Variants in ABL1 observed in about 807,000 individuals in gnomAD.
ABL1 encodes ABL proto-oncogene 1, non-receptor tyrosine kinase, also known as tyrosine-protein kinase ABL1.
In ABL1, 11 loss-of-function variants were observed where a neutral mutation model predicts 94.7. The ratio of observed to expected loss-of-function variants is 0.12; its 90% CI spans 0.07 to 0.19. ABL1 has a LOEUF of 0.19. Among genes scored for constraint, ABL1 ranks in the 10% least tolerant of loss-of-function variants. The pLI is 1.00. For missense variants in ABL1, 1,082 were observed against 1,489.4 expected, an observed-to-expected ratio of 0.73 and a Z score of 4.50; for synonymous variants, 656 against 622.4, an observed-to-expected ratio of 1.05 and a Z score of -0.80.
At chr9:130,760,826 C>G (rs1280582556) in intron 1 of ABL1, among the ~76,000 whole-genome samples, 1 of 150,836 alleles carries the variant, frequency 6.6e-6, no homozygotes, top group East Asian at 2.0e-4. Context: ...CAACACCCAG[C>G]TAATTTTTGC....
In ABL1 at chr9:130,737,108, T is replaced by A. The variant is rs114197424; in HGVS notation, c.136+22653T>A. ...TAAGTATCAGTTTTTTTGTTTTGTT[T>A]TAGTTTTTTAGTAAGGAGAGACTTT... On this transcript the variant is annotated intron_variant, in intron 1 of 10. Transcript: ENST00000372348. Among the ~76,000 whole-genome samples, 1,017 of 152,182 alleles carry A rather than the reference T, an allele frequency of 6.7e-3. 17 individuals are homozygous for A. Among genetic ancestry groups the A allele is most frequent in the African/African-American group, 0.022 (933 of 41,508 alleles).
At chr9:130,858,852 C>G (rs1831016533) in intron 3 of ABL1, among the ~76,000 whole-genome samples, 1 of 152,176 alleles carries the variant, frequency 6.6e-6, no homozygotes, top group Non-Finnish European at 1.5e-5. Flanking sequence ...CTTTCTGCCT[C>G]CCCGCTCTTG....
intron 1 of ABL1, among the ~76,000 whole-genome samples, chr9:130,844,988 C>T (rs919245398): frequency 5.9e-5 from 9 of 152,176 alleles, no homozygotes; most frequent in Non-Finnish European, 1.2e-4. Flanking sequence ...ATCCCAGACT[C>T]CCAGGGTCTT....
intron 3 of ABL1, among the ~76,000 whole-genome samples, chr9:130,861,868 G>C (rs1166099276): frequency 6.6e-6 from 1 of 152,214 alleles, no homozygotes; most frequent in Non-Finnish European, 1.5e-5. Context: ...CCAATGAAAA[G>C]AGAAGAAAAC....
chr9:130,781,209 C>G lies in ABL1; in HGVS notation c.136+66754C>G, dbSNP rs34938573. 4.2e-3 allele frequency among the ~76,000 whole-genome samples: 639 copies of G among 152,296 alleles called. 2 individuals are homozygous for G. The highest frequency in any genetic ancestry group is 0.014 in the African/African-American group (585 of 41,550). On this transcript the variant is annotated intron_variant, in intron 1 of 10. Transcript: ENST00000372348. ...TGGTAAGATTAATTCACAGAAAACC[C>G]TTCTTGAGTGGCGTACCTTAAACAC...
intron 3 of ABL1, among the ~76,000 whole-genome samples, chr9:130,859,249 T>G (rs953685504): frequency 6.6e-6 from 1 of 152,204 alleles, no homozygotes; most frequent in Non-Finnish European, 1.5e-5. Flanking sequence ...AATAGAGTCT[T>G]TCCTTTTCTT....
intron 1 of ABL1, among the ~76,000 whole-genome samples, chr9:130,758,708 C>T (rs1216249136): frequency 1.3e-5 from 2 of 152,242 alleles, no homozygotes; most frequent in Admixed American, 1.3e-4. Context: ...GCTGGGATTA[C>T]AGGTGTGAGC....
chr9:130,844,405 A>G (rs1315316056), intron 1 of ABL1, among the ~76,000 whole-genome samples: 3 of 152,152 alleles, frequency 2.0e-5, no homozygotes, highest in Non-Finnish European at 4.4e-5. Context: ...CCTTGAAGAT[A>G]GTGGCATCTC....
At chr9:130,820,202 AC>A (rs1423205628) in intron 1 of ABL1, among the ~76,000 whole-genome samples, 2 of 152,218 alleles carry the variant, frequency 1.3e-5, no homozygotes, top group African/African-American at 4.8e-5. Context: ...TAAGCAATTT[AC>A]CATGATACTT....
chr9:130,862,146 C>A lies in ABL1; in HGVS notation c.550-617C>A, dbSNP rs1013326212. On this transcript the variant is annotated intron_variant, in intron 3 of 10. Coordinates refer to ENST00000318560, the MANE Select transcript of ABL1 (RefSeq NM_005157.6). This position sits in a 1 kb window ranked among gnomAD's most constrained non-coding sequence, Gnocchi z 5.5. The stretch of plus-strand genomic sequence containing the variant: ...CTTTAAATTATAAATTAAATGAATT[C>A]TTCGCTTTTCCTACCAGCAACTACC... Among the ~76,000 whole-genome samples, 3 of 152,190 alleles carry A rather than the reference C, an allele frequency of 2.0e-5. No individual in the cohort carries two copies. The highest frequency in any genetic ancestry group is 2.1e-4 in the South Asian group (1 of 4,828).
intron 7 of ABL1, among the ~76,000 whole-genome samples, chr9:130,876,676 C>T (rs1301331417): frequency 1.3e-5 from 2 of 151,248 alleles, no homozygotes; most frequent in African/African-American, 2.4e-5. Flanking sequence ...CTGCCTTGGC[C>T]TCCCAAAGTG....
intron 3 of ABL1, among the ~76,000 whole-genome samples, chr9:130,859,690 T>G (rs1471302022): frequency 7.9e-6 from 1 of 126,710 alleles, no homozygotes; most frequent in Non-Finnish European, 1.7e-5. Flanking sequence ...TTTTTTTTTT[T>G]TTTTTTTTTT....
At chr9:130,787,489 C>G (rs1157023256) in intron 1 of ABL1, among the ~76,000 whole-genome samples, 1 of 152,054 alleles carries the variant, frequency 6.6e-6, no homozygotes, top group East Asian at 1.9e-4. Flanking sequence ...GGTACCTCAC[C>G]CCCAGGAGCA....
chr9:130,836,750 G>A (rs1353980760), intron 1 of ABL1, among the ~76,000 whole-genome samples: 1 of 150,648 alleles, frequency 6.6e-6, no homozygotes, highest in Non-Finnish European at 1.5e-5. Context: ...GCTTGAACCC[G>A]GCAGGGGGAG....
upstream of ABL1, chr9:130,834,098 A>G (rs1338801654): frequency 1.3e-5 from 6 of 455,880 alleles, no homozygotes; most frequent in Non-Finnish European, 2.6e-5. Context: ...GACTTCTCTG[A>G]GCATCTGTGG....
chr9:130,862,870 G>A lies in ABL1; in HGVS notation c.657G>A (p.Lys219=). The A allele has an allele frequency of 6.2e-7, 1 of 1,614,074 alleles. No homozygotes were observed. The highest frequency in any genetic ancestry group is 1.1e-5 in the South Asian group (1 of 91,068). Residue 219 remains lysine (K), a synonymous_variant, in exon 4 of 11, where the codon AAG becomes AAA. Transcript: ENST00000318560. The surrounding 1 kb of genome is among the most constrained non-coding windows in gnomAD (Gnocchi z 5.5). ...LITTLHYPAP[K]RNKPTVYGVS... is the part of the protein sequence containing the mutation. Reference sequence around the variant, plus strand: ...CCACGCTCCATTATCCAGCCCCAAAGCGCAACAAGCCCACTGTCTATGGTG... The same window carrying A: ...CCACGCTCCATTATCCAGCCCCAAAACGCAACAAGCCCACTGTCTATGGTG...
At position 130,884,693 on chromosome 9, in the gene ABL1, C is replaced by T. The variant is rs1280482548; in HGVS notation, c.2403C>T (p.Ile801=). The change falls in exon 11 of 11, where the codon ATC becomes ATT. Residue 801 remains isoleucine, a synonymous_variant. Transcript: ENST00000318560. This position sits in a 1 kb window ranked among gnomAD's most constrained non-coding sequence, Gnocchi z 5.6. ...EEAADEVFKD[I]MESSPGSSPP... Reference sequence around the variant, plus strand: ...CTGCTGATGAGGTCTTCAAAGACATCATGGAGTCCAGCCCGGGCTCCAGCC... The same window carrying T: ...CTGCTGATGAGGTCTTCAAAGACATTATGGAGTCCAGCCCGGGCTCCAGCC... The T allele has an allele frequency of 1.7e-5, 28 of 1,612,680 alleles. 1 individual carries two copies. The Admixed American group carries it at 4.7e-4, about 27-fold the overall frequency.
At chr9:130,806,078 G>A (rs1830120443) in intron 1 of ABL1, among the ~76,000 whole-genome samples, 1 of 152,188 alleles carries the variant, frequency 6.6e-6, no homozygotes, top group African/African-American at 2.4e-5. Flanking sequence ...AAGACCCCAT[G>A]AGAGTTACAA....
chr9:130,775,138 A>G lies in ABL1; in HGVS notation c.136+60683A>G, dbSNP rs76168551. The stretch of plus-strand genomic sequence containing the variant: ...TTACTACAGTTCCTAGTTAGCTGGC[A>G]GAAGTCAATGCATATCCTCTTGGAC... On this transcript the variant is annotated intron_variant, in intron 1 of 10. Transcript: ENST00000372348. Among the ~76,000 whole-genome samples, 639 of 152,344 alleles carry G rather than the reference A, an allele frequency of 4.2e-3. 8 individuals carry two copies. The highest frequency in any genetic ancestry group is 0.014 in the African/African-American group (601 of 41,586).
Sources: gnomAD v4.1 joint callset for allele counts (sites outside exome capture counted in the v4.1 genomes callset) on GRCh38, gnomAD v4.1.1 for gene constraint, Gnocchi (gnomAD v3.1) non-coding constraint, MANE v1.5 for transcripts, NCBI Gene and HGNC (gene_info 2026-07-23, HGNC 2026-07-21) for gene names.